The following CECR2 variants were observed in gnomAD, a reference collection of about 807,000 sequenced individuals.
The protein encoded by CECR2 is CECR2 histone acetyl-lysine reader.
CECR2 carries 30 observed loss-of-function variants against 154.5 expected under a neutral mutation model. The ratio of observed to expected loss-of-function variants is 0.19; its 90% confidence interval spans 0.15 to 0.26. CECR2 has a LOEUF of 0.26. CECR2 is among the 10% of genes least tolerant of loss of function. The pLI is 1.00. For missense variants in CECR2, 1,743 were observed against 1,829.3 expected (o/e 0.95, Z 0.86); for synonymous variants, 725 against 683.7 (o/e 1.06, Z -0.94).
chr22:17,475,216 C>T (rs1401364115), intron 1 of CECR2, among the ~76,000 whole-genome samples: 1 of 152,058 alleles, frequency 6.6e-6, no homozygotes, highest in East Asian at 1.9e-4. Context: ...GGATTTCCAC[C>T]TAGGGAGAAT....
At chr22:17,396,365 C>G (rs940473855) in intron 1 of CECR2, among the ~76,000 whole-genome samples, 7 of 151,976 alleles carry the variant, frequency 4.6e-5, no homozygotes, top group Non-Finnish European at 1.5e-5. Context: ...GCCAATGTGG[C>G]AAAACCCCGT....
chr22:17,555,873 T>C lies in CECR2; in HGVS notation c.*3033T>C, dbSNP rs1025388499. 3 of 152,180 alleles carry C rather than the reference T, an allele frequency of 2.0e-5. No individual in the cohort carries two copies. The highest frequency in any genetic ancestry group is 4.4e-5 in the Non-Finnish European group (3 of 68,040). The allele number at this position is 152,180 out of a possible 1,614,324, so 9.4% of individuals were successfully genotyped here. A position where few individuals can be genotyped will look rare whatever the true frequency, so the allele number is the denominator to read the frequency against. On this transcript the variant is annotated 3_prime_UTR_variant, in exon 19 of 19. Transcript: ENST00000262608. ...GGAAATACCATTGCATCTCTTTGAT[T>C]TAACACTCATGGCTCACCTTTAGTA... is the stretch of plus-strand genomic sequence containing the variant.
intron 1 of CECR2, among the ~76,000 whole-genome samples, chr22:17,414,191 C>T (rs1053239521): frequency 2.6e-5 from 4 of 151,816 alleles, no homozygotes; most frequent in African/African-American, 4.8e-5. Context: ...CCAGGATGGT[C>T]TCGATCGCCT....
intron 7 of CECR2, among the ~76,000 whole-genome samples, chr22:17,510,283 T>A (rs757614761): frequency 6.6e-6 from 1 of 152,196 alleles, no homozygotes; most frequent in Non-Finnish European, 1.5e-5. Flanking sequence ...AGTTCCCTGA[T>A]AAGTTTTTAC....
At chr22:17,409,001 C>A (rs749841750) in intron 1 of CECR2, among the ~76,000 whole-genome samples, 1 of 152,224 alleles carries the variant, frequency 6.6e-6, no homozygotes, top group Admixed American at 6.5e-5. Flanking sequence ...CTCCATAGGG[C>A]CTTTGCACCT....
At chr22:17,368,769 G>A (rs539767006), upstream of CECR2, among the ~76,000 whole-genome samples, 1 of 152,172 alleles carries the variant, frequency 6.6e-6, no homozygotes, top group South Asian at 2.1e-4. Context: ...GCGGTCACAC[G>A]TGTCCATTCC....
chr22:17,471,884 T>G (rs1189972439), intron 1 of CECR2, among the ~76,000 whole-genome samples: 2 of 152,210 alleles, frequency 1.3e-5, no homozygotes, highest in African/African-American at 4.8e-5. Context: ...TTCTTAGCCT[T>G]TTTTAACTTC....
At chr22:17,449,732 G>A (rs1478180695) in intron 1 of CECR2, among the ~76,000 whole-genome samples, 3 of 152,054 alleles carry the variant, frequency 2.0e-5, no homozygotes, top group East Asian at 1.9e-4. Context: ...CTCGTGATCT[G>A]CCCGCCTCGG....
chr22:17,367,040 G>A (rs2063005661), upstream of CECR2, among the ~76,000 whole-genome samples: 1 of 152,224 alleles, frequency 6.6e-6, no homozygotes, highest in Non-Finnish European at 1.5e-5. Flanking sequence ...GCAGCAGAAG[G>A]GAGGAGGAGC....
At chr22:17,455,167 T>C (rs1019819538) in intron 1 of CECR2, among the ~76,000 whole-genome samples, 1 of 152,248 alleles carries the variant, frequency 6.6e-6, no homozygotes, top group Non-Finnish European at 1.5e-5. Flanking sequence ...AGGAACAGGC[T>C]ATGACCTAAT....
intron 2 of CECR2, among the ~76,000 whole-genome samples, chr22:17,489,429 T>C (rs911863640): frequency 7.9e-5 from 12 of 152,200 alleles, no homozygotes; most frequent in African/African-American, 2.9e-4. Context: ...TACTTATTTC[T>C]TTTAAATTAG....
intron 1 of CECR2, among the ~76,000 whole-genome samples, chr22:17,360,850 A>G (rs2062973376): frequency 7.8e-6 from 1 of 128,836 alleles, no homozygotes; most frequent in South Asian, 2.3e-4. Flanking sequence ...TCTCAAACAA[A>G]CAAACAAACA....
chr22:17,397,077 G>A (rs1409005268), intron 1 of CECR2, among the ~76,000 whole-genome samples: 1 of 152,008 alleles, frequency 6.6e-6, no homozygotes, highest in East Asian at 1.9e-4. Context: ...ACAATGCATG[G>A]GACATTCTCC....
At chr22:17,510,926 A>G (rs543995257) in intron 7 of CECR2, among the ~76,000 whole-genome samples, 10 of 152,272 alleles carry the variant, frequency 6.6e-5, no homozygotes, top group Non-Finnish European at 8.8e-5. Flanking sequence ...AGCTTTCTAA[A>G]GTTGCTGACT....
At chr22:17,482,146 G>A (rs1429998329) in intron 2 of CECR2, among the ~76,000 whole-genome samples, 1 of 122,274 alleles carries the variant, frequency 8.2e-6, no homozygotes, top group Non-Finnish European at 1.7e-5. Context: ...AAAAAAGGGC[G>A]TGGCATGGTG....
At chr22:17,470,524 T>C (rs1420221576) in intron 1 of CECR2, among the ~76,000 whole-genome samples, 1 of 152,120 alleles carries the variant, frequency 6.6e-6, no homozygotes, top group Non-Finnish European at 1.5e-5. Context: ...ACGTTAAACT[T>C]CTAGGACCTT....
rs1291529771 is a variant in CECR2, at chr22:17,540,814, T to C, written c.1884+14T>C. 5 of 1,523,360 alleles carry C rather than the reference T, an allele frequency of 3.3e-6. No individual in the cohort carries two copies. The highest frequency in any genetic ancestry group is 4.4e-6 in the Non-Finnish European group (5 of 1,136,054). 94.4% of individuals were successfully genotyped at this position (1,523,360 alleles called of 1,614,324 possible). ...TTAAACCAGATGGTAAGGAATAGAG[T>C]GGAGACTGTTGCGGTTTCTCCTAGT... is the stretch of plus-strand genomic sequence containing the variant. On this transcript the variant is annotated intron_variant, in intron 14 of 18. Transcript: ENST00000262608.
chr22:17,384,861 G>GT (rs1269483236), intron 1 of CECR2, among the ~76,000 whole-genome samples: 2 of 152,194 alleles, frequency 1.3e-5, no homozygotes, highest in Non-Finnish European at 1.5e-5. Flanking sequence ...ATAAAAGGCT[G>GT]TTTCACCTAC....
intron 2 of CECR2, among the ~76,000 whole-genome samples, chr22:17,478,439 T>G (rs1348099913): frequency 6.7e-6 from 1 of 149,114 alleles, no homozygotes; most frequent in Non-Finnish European, 1.5e-5. Context: ...CACTGCAAGC[T>G]TCACCTCCCA....
Sources: gnomAD v4.1 joint callset for allele counts (sites outside exome capture counted in the v4.1 genomes callset) on GRCh38, gnomAD v4.1.1 for gene constraint, MANE v1.5 for transcripts, NCBI Gene and HGNC (gene_info 2026-07-23, HGNC 2026-07-21) for gene names.